The following DENND1B variants were observed in gnomAD, a reference collection of about 807,000 sequenced individuals.
The protein encoded by DENND1B is DENN domain containing 1B.
Under a neutral mutation model 90.1 loss-of-function variants are expected in DENND1B, and 59 were observed. The ratio of observed to expected loss-of-function variants is 0.65; its 90% CI spans 0.53 to 0.81. The LOEUF is 0.81. Among genes scored for constraint, DENND1B ranks in the 40% least tolerant of loss-of-function variants. The probability of loss-of-function intolerance (pLI) is 0.00; values close to 1 mark genes in which losing one functional copy is unlikely to be tolerated. For synonymous variants in DENND1B, 337 were observed against 324.6 expected (o/e 1.04, Z -0.41); for missense variants, 862 against 912.6 (o/e 0.94, Z 0.71).
At chr1:197,779,266 C>T (rs999552323), upstream of DENND1B, among the ~76,000 whole-genome samples, 1 of 152,120 alleles carries the variant, frequency 6.6e-6, no homozygotes, top group Non-Finnish European at 1.5e-5. Flanking sequence ...TTCTAAGTTC[C>T]CTAATAACAA....
At position 197,518,929 on chromosome 1, in the gene DENND1B, C is replaced by G. The variant is rs184907209; in HGVS notation, c.1516-5976G>C. 3.3e-3 allele frequency among the ~76,000 whole-genome samples: 498 copies of G among 151,964 alleles called. 2 individuals are homozygous for G. The highest frequency in any genetic ancestry group is 9.3e-3 in the South Asian group (45 of 4,830). ...GGAATGCTGAGTGCTGTCTAGCATT[C>G]TTTTCCAGGTTTTTCTGATACTATA... On this transcript the variant is annotated intron_variant, in intron 20 of 22. Coordinates refer to ENST00000620048, the MANE Select transcript of DENND1B (RefSeq NM_001195215.2).
chr1:197,638,661 C>T (rs1258480084), intron 10 of DENND1B, among the ~76,000 whole-genome samples: 1 of 152,150 alleles, frequency 6.6e-6, no homozygotes, highest in Non-Finnish European at 1.5e-5. Context: ...ACTGATACCC[C>T]CTTGTAATAT....
chr1:197,733,985 C>T, intron 2 of DENND1B: 1 of 632,044 alleles, frequency 1.6e-6, no homozygotes, highest in Non-Finnish European at 2.0e-6. Context: ...AAAATCTGTG[C>T]AACTAAAAGA....
At chr1:197,546,016 T>C (rs769947759) in intron 17 of DENND1B, 26 bp from the exon 18 acceptor site, 3 of 1,570,770 alleles carry the variant, frequency 1.9e-6, no homozygotes, top group South Asian at 2.4e-5. Flanking sequence ...AGAAACATAT[T>C]TCCAAAAACT....
chr1:197,704,687 C>G (rs1360941797), intron 3 of DENND1B, among the ~76,000 whole-genome samples: 1 of 152,134 alleles, frequency 6.6e-6, no homozygotes, highest in Non-Finnish European at 1.5e-5. Context: ...CGGGTACTAA[C>G]AACTCCATGT....
At chr1:197,602,034 A>G (rs1032111005) in intron 13 of DENND1B, among the ~76,000 whole-genome samples, 4 of 151,630 alleles carry the variant, frequency 2.6e-5, no homozygotes, top group African/African-American at 9.7e-5. Flanking sequence ...CAGAAGCACA[A>G]TGATTGCCAT....
rs983132646 is a variant in DENND1B, at chr1:197,648,957, T to A, written c.448-1843A>T. ...TTTTATCACCCAGTCTACAAATGACTATTAAACCTTTCCACTTTGACAGTG... is the reference window on the plus strand; with the variant it reads ...TTTTATCACCCAGTCTACAAATGACAATTAAACCTTTCCACTTTGACAGTG... On this transcript the variant is annotated intron_variant, in intron 7 of 22. Coordinates refer to ENST00000620048, the MANE Select transcript of DENND1B (RefSeq NM_001195215.2). 1.3e-5 allele frequency among the ~76,000 whole-genome samples: 2 copies of A among 152,226 alleles called. 1 individual carries two copies. The highest frequency in any genetic ancestry group is 2.9e-5 in the Non-Finnish European group (2 of 68,040).
chr1:197,721,291 G>A (rs1040323743), intron 2 of DENND1B, among the ~76,000 whole-genome samples: 2 of 151,538 alleles, frequency 1.3e-5, no homozygotes, highest in South Asian at 2.1e-4. Flanking sequence ...AAATGGTCTC[G>A]ATCTCCTGAC....
At chr1:197,718,253 C>G (rs1571484423) in intron 2 of DENND1B, among the ~76,000 whole-genome samples, 1 of 151,470 alleles carries the variant, frequency 6.6e-6, no homozygotes, top group East Asian at 1.9e-4. Context: ...AGGAAAAGTC[C>G]CTGCGTTACA....
In DENND1B at chr1:197,510,203, C is replaced by T. The variant is rs972302754; in HGVS notation, c.*257G>A. 18 of 439,558 alleles carry T rather than the reference C, an allele frequency of 4.1e-5. No homozygotes were observed. The highest frequency in any genetic ancestry group is 3.7e-4 in the African/African-American group (18 of 49,214). 27.2% of individuals were successfully genotyped at this position (439,558 alleles called of 1,614,324 possible). A position where few individuals can be genotyped will look rare whatever the true frequency, so the allele number is the denominator to read the frequency against. On this transcript the variant is annotated 3_prime_UTR_variant, in exon 23 of 23. Transcript: ENST00000620048. ...AAAATAAACGGCATTAAGCACCAAA[C>T]ACTGGGAAATCTCATGGTCAATACA...
At chr1:197,753,320 C>T (rs1466946434) in intron 2 of DENND1B, among the ~76,000 whole-genome samples, 1 of 151,848 alleles carries the variant, frequency 6.6e-6, no homozygotes, top group Non-Finnish European at 1.5e-5. Context: ...GGCAAAAATG[C>T]TTTCAAAAAT....
intron 20 of DENND1B, among the ~76,000 whole-genome samples, chr1:197,529,892 A>C (rs1233121638): frequency 2.0e-5 from 3 of 152,172 alleles, no homozygotes; most frequent in African/African-American, 7.2e-5. Context: ...CAGTGGACTC[A>C]CTGGCCCTGT....
At chr1:197,771,451 T>C (rs1371034214) in intron 2 of DENND1B, among the ~76,000 whole-genome samples, 2 of 152,108 alleles carry the variant, frequency 1.3e-5, no homozygotes, top group African/African-American at 2.4e-5. Context: ...CAATAAAAGA[T>C]AACTTCATCA....
intron 2 of DENND1B, among the ~76,000 whole-genome samples, chr1:197,769,757 A>C (rs1232058087): frequency 6.7e-6 from 1 of 150,362 alleles, no homozygotes; most frequent in Non-Finnish European, 1.5e-5. Context: ...TAATGTTAGC[A>C]AAAAAAAAAT....
In DENND1B at chr1:197,545,927, T is replaced by C. The variant is rs1437780072; in HGVS notation, c.1345A>G (p.Lys449Glu). The C allele has an allele frequency of 1.2e-6, 2 of 1,600,688 alleles. No individual in the cohort carries two copies. Among genetic ancestry groups the C allele is most frequent in the Non-Finnish European group, 1.7e-6 (2 of 1,176,444 alleles). ...TAAATATCAAAAAAACTTACAAATT[T>C]ATATGCTGTCCGTACAGCAGGGGTT... ...KATPAVRTAY[K>E]FAKNHAKLGL... Residue 449 changes from lysine (K) to glutamate (E), a missense_variant, in exon 18 of 23, where the codon AAA becomes GAA. Coordinates refer to ENST00000620048, the MANE Select transcript of DENND1B (RefSeq NM_001195215.2).
At chr1:197,611,869 C>A in intron 12 of DENND1B, 62 bp downstream of exon 12, 1 of 1,442,252 alleles carries the variant, frequency 6.9e-7, no homozygotes, top group Non-Finnish European at 9.7e-7. Context: ...CAAAACAAAA[C>A]TGTTTTAACT....
intron 20 of DENND1B, among the ~76,000 whole-genome samples, chr1:197,537,044 G>GGA (rs1553279000): frequency 4.4e-5 from 6 of 135,226 alleles, no homozygotes; most frequent in Non-Finnish European, 9.5e-5. Flanking sequence ...CCGTCTCAGA[G>GGA]AAAAAAAAAA....
chr1:197,774,066 A>G (rs1656958478), intron 1 of DENND1B, among the ~76,000 whole-genome samples: 1 of 152,236 alleles, frequency 6.6e-6, no homozygotes, highest in African/African-American at 2.4e-5. Flanking sequence ...CCTTTCCGCT[A>G]TTAACTTGTT....
chr1:197,671,912 C>A, intron 5 of DENND1B, 125 bp downstream of exon 5: 1 of 1,011,846 alleles, frequency 9.9e-7, no homozygotes, highest in South Asian at 2.4e-5. Flanking sequence ...TACAGAAAAT[C>A]AGGAAAATTA....
Sources: gnomAD v4.1 joint callset for allele counts (sites outside exome capture counted in the v4.1 genomes callset) on GRCh38, gnomAD v4.1.1 for gene constraint, MANE v1.5 for transcripts, NCBI Gene and HGNC (gene_info 2026-07-23, HGNC 2026-07-21) for gene names.